NMT2: variants seen among roughly 807,000 people sequenced by gnomAD.
The protein encoded by NMT2 is N-myristoyltransferase 2.
In NMT2, 35 loss-of-function variants were observed where a neutral mutation model predicts 65.4. The ratio of observed to expected loss-of-function variants is 0.54; its 90% confidence interval spans 0.41 to 0.71. The LOEUF (loss-of-function observed/expected upper bound fraction) is 0.71. Among genes scored for constraint, NMT2 ranks in the 30% least tolerant of loss-of-function variants. The pLI is 0.00. For synonymous variants in NMT2, 226 were observed against 231.8 expected (o/e 0.98, Z 0.23); for missense variants, 489 against 611.3 (o/e 0.80, Z 2.11).
At chr10:15,129,569 A>C (rs1269200428) in intron 7 of NMT2, among the ~76,000 whole-genome samples, 1 of 152,212 alleles carries the variant, frequency 6.6e-6, no homozygotes, top group African/African-American at 2.4e-5. Context: ...CAGAAAACTG[A>C]TCTTTGGGGT....
At chr10:15,109,670 G>A in intron 11 of NMT2, 32 bp downstream of exon 11, 1 of 1,515,614 alleles carries the variant, frequency 6.6e-7, no homozygotes. Flanking sequence ...TACATTTGTT[G>A]AGTTTACAAG....
At position 15,123,531 on chromosome 10, in the gene NMT2, GAAAA is replaced by G. The variant is rs775699014; in HGVS notation, c.1000-4022_1000-4019del. 9.2e-3 allele frequency among the ~76,000 whole-genome samples: 481 copies of G among 52,528 alleles called. 2 individuals carry two copies. Among genetic ancestry groups the G allele is most frequent in the African/African-American group, 0.027 (462 of 16,900 alleles). 34.5% of individuals were successfully genotyped at this position (52,528 alleles called of 152,430 possible). On this transcript the variant is annotated intron_variant, in intron 8 of 11. Coordinates refer to ENST00000378165, the MANE Select transcript of NMT2 (RefSeq NM_004808.3). ...CGACAAAGCGAGACTTCGTCTCACA[GAAAA>G]AAAAAAAAAAAAAAAAAAAAGAAAT...
chr10:15,141,119 A>C (rs1281627906), intron 2 of NMT2: 116 of 1,218,772 alleles, frequency 9.5e-5, no homozygotes, highest in Non-Finnish European at 1.4e-4. Flanking sequence ...TGTAATTTCA[A>C]AAAAACCTAA....
chr10:15,150,725 A>G (rs937299731), intron 1 of NMT2, among the ~76,000 whole-genome samples: 5 of 152,172 alleles, frequency 3.3e-5, no homozygotes, highest in African/African-American at 1.2e-4. Context: ...GGCTACAGCT[A>G]TTGAGGCTAC....
intron 1 of NMT2, among the ~76,000 whole-genome samples, chr10:15,149,861 A>G (rs1436934408): frequency 6.6e-6 from 1 of 152,178 alleles, no homozygotes; most frequent in Non-Finnish European, 1.5e-5. Flanking sequence ...CCACATAATT[A>G]CTACCCTACG....
chr10:15,165,497 C>T (rs780952676), intron 1 of NMT2, among the ~76,000 whole-genome samples: 1 of 152,182 alleles, frequency 6.6e-6, no homozygotes, highest in African/African-American at 2.4e-5. Flanking sequence ...TTAAAACTGA[C>T]AATCCCTTCT....
chr10:15,127,573 AATAAATAAATAAAT>A (rs1846132547), intron 8 of NMT2, among the ~76,000 whole-genome samples: 1 of 84,732 alleles, frequency 1.2e-5, no homozygotes, highest in African/African-American at 1.1e-4. Context: ...AAAAAAAATA[AATAAATAAATAAAT>A]AAATAAATAA....
intron 2 of NMT2, among the ~76,000 whole-genome samples, chr10:15,140,260 C>A (rs1344016362): frequency 6.6e-6 from 1 of 152,032 alleles, no homozygotes; most frequent in Non-Finnish European, 1.5e-5. Flanking sequence ...GTAGCTAGGA[C>A]TACAGGTGCA....
intron 7 of NMT2, among the ~76,000 whole-genome samples, chr10:15,129,033 C>T (rs1846188580): frequency 6.6e-6 from 1 of 152,062 alleles, no homozygotes; most frequent in East Asian, 1.9e-4. Context: ...AAATATTAAT[C>T]ATACCCAGGT....
At position 15,132,864 on chromosome 10, in the gene NMT2, C is replaced by T; in HGVS notation, c.672G>A (p.Leu224=). 1.9e-6 allele frequency: 3 copies of T among 1,613,918 alleles called. No individual in the cohort carries two copies. Among genetic ancestry groups the T allele is most frequent in the Admixed American group, 1.7e-5 (1 of 59,984 alleles). ...CGVRVSSNKK[L]VGFISAIPAN... ...CTGGGATGGCACTTATGAACCCGAC[C>T]AGTTTTTTATTTGAAGACACTCTGA... The change falls in exon 6 of 12, where the codon CTG becomes CTA. Residue 224 remains leucine, a synonymous_variant. Transcript: ENST00000378165.
chr10:15,141,328 TC>T (rs1449883470), intron 2 of NMT2, 93 bp downstream of exon 2: 1 of 1,462,872 alleles, frequency 6.8e-7, no homozygotes, highest in Non-Finnish European at 9.4e-7. Flanking sequence ...CACAACAAAG[TC>T]CCTACACATC....
In NMT2 at chr10:15,155,535, G is replaced by GT. The variant is rs71390015; in HGVS notation, c.110+12967dup. 3.2e-3 allele frequency among the ~76,000 whole-genome samples: 192 copies of GT among 59,396 alleles called. 12 individuals are homozygous for GT. The highest frequency in any genetic ancestry group is 3.6e-3 in the Non-Finnish European group (122 of 34,294). The allele number at this position is 59,396 out of a possible 152,430, so 39.0% of individuals were successfully genotyped here. On this transcript the variant is annotated intron_variant, in intron 1 of 11. Transcript: ENST00000378165. ...AGGTGTATGCCACTATGCCGGGCTA[G>GT]TTTTTTTTTTTTTTTTTTTTTTTTT...
At chr10:15,113,138 C>G (rs1418125779) in intron 9 of NMT2, among the ~76,000 whole-genome samples, 175 bp from the exon 10 acceptor site, 1 of 152,092 alleles carries the variant, frequency 6.6e-6, no homozygotes, top group African/African-American at 2.4e-5. Context: ...CCAAGAAGGG[C>G]CTGGAGTTGG....
intron 10 of NMT2, among the ~76,000 whole-genome samples, chr10:15,111,324 A>C (rs1318910569): frequency 2.0e-5 from 3 of 151,570 alleles, no homozygotes; most frequent in Non-Finnish European, 4.4e-5. Context: ...CAGCCGGGTC[A>C]ATATGATGAA....
intron 8 of NMT2, among the ~76,000 whole-genome samples, chr10:15,126,605 A>T (rs1204151964): frequency 6.6e-6 from 1 of 152,152 alleles, no homozygotes; most frequent in African/African-American, 2.4e-5. Flanking sequence ...CCAACATGGC[A>T]AAGAACTGAG....
intron 1 of NMT2, among the ~76,000 whole-genome samples, chr10:15,162,048 T>C (rs1248432368): frequency 6.6e-6 from 1 of 151,502 alleles, no homozygotes; most frequent in Non-Finnish European, 1.5e-5. Context: ...AGTTCAGGAG[T>C]TCGAGACCAG....
intron 1 of NMT2, among the ~76,000 whole-genome samples, chr10:15,165,919 T>C (rs1031717086): frequency 1.3e-5 from 2 of 150,094 alleles, no homozygotes; most frequent in African/African-American, 2.5e-5. Flanking sequence ...AAACAAGATA[T>C]AAAGACAGTG....
At chr10:15,156,874 C>T (rs533937712) in intron 1 of NMT2, among the ~76,000 whole-genome samples, 5 of 151,104 alleles carry the variant, frequency 3.3e-5, no homozygotes, top group South Asian at 2.1e-4. Context: ...CCAGCCTGAG[C>T]GACAGAGCTA....
intron 3 of NMT2, among the ~76,000 whole-genome samples, chr10:15,134,944 C>T (rs553246906): frequency 6.6e-6 from 1 of 152,116 alleles, no homozygotes; most frequent in East Asian, 1.9e-4. Flanking sequence ...TATGATCATG[C>T]CACTGCACTC....
Sources: allele counts gnomAD v4.1 joint callset (sites outside exome capture counted in the v4.1 genomes callset), GRCh38; gene constraint gnomAD v4.1.1; transcripts MANE v1.5; gene names NCBI Gene and HGNC (gene_info 2026-07-23, HGNC 2026-07-21).